Variants in MICOS10 observed in about 807,000 individuals in gnomAD.
The protein encoded by MICOS10 is mitochondrial contact site and cristae organizing system subunit 10.
In MICOS10, 5 loss-of-function variants were observed where a neutral mutation model predicts 13.4. The ratio of observed to expected loss-of-function variants is 0.37; its 90% CI spans 0.20 to 0.78. The LOEUF is 0.78. Ranked by LOEUF, MICOS10 falls within the 30% of genes least tolerant of loss-of-function variation. MICOS10 has a pLI of 0.47. For synonymous variants in MICOS10, 35 were observed against 33.6 expected, an observed-to-expected ratio of 1.04 and a Z score of -0.15; for missense variants, 101 against 94.6, an observed-to-expected ratio of 1.07 and a Z score of -0.28.
chr1:19,603,756 G>A (rs1026768377), intron 1 of MICOS10, among the ~76,000 whole-genome samples: 2 of 152,198 alleles, frequency 1.3e-5, no homozygotes, highest in Non-Finnish European at 1.5e-5. Context: ...TCATTGAATG[G>A]TTAGCTGAAG....
intron 1 of MICOS10, chr1:19,601,302 G>C (rs1157079977): frequency 3.5e-6 from 1 of 286,928 alleles, no homozygotes; most frequent in African/African-American, 2.2e-5. Flanking sequence ...TTCTAGGCCA[G>C]GCACAGTGGC....
chr1:19,615,650 G>A (rs1227001541), intron 1 of MICOS10, among the ~76,000 whole-genome samples: 1 of 129,716 alleles, frequency 7.7e-6, no homozygotes, highest in East Asian at 2.3e-4. Flanking sequence ...AGGGGTCACT[G>A]CAGCCTTGAC....
rs1161072320 is a variant in MICOS10, at chr1:19,629,524, C to G, written c.*3123C>G. 2 of 152,206 alleles carry G rather than the reference C, an allele frequency of 1.3e-5. No individual in the cohort carries two copies. The highest frequency in any genetic ancestry group is 2.9e-5 in the Non-Finnish European group (2 of 68,038). The allele number at this position is 152,206 out of a possible 1,614,324, so 9.4% of individuals were successfully genotyped here. ...CCTTATGCAGAAGTATGCCTTTGTT[C>G]TGAGAAATGGCCTCAGAACACACTG... On this transcript the variant is annotated 3_prime_UTR_variant, in exon 4 of 4. Transcript: ENST00000322753.
intron 2 of MICOS10, 80 bp from the exon 3 acceptor site, chr1:19,623,394 G>A: frequency 1.2e-6 from 1 of 816,182 alleles, no homozygotes; most frequent in Non-Finnish European, 2.1e-6. Context: ...TGAACCCTAA[G>A]TAAATGTATT....
chr1:19,602,253 C>G (rs925790207), intron 1 of MICOS10, among the ~76,000 whole-genome samples: 3 of 152,182 alleles, frequency 2.0e-5, no homozygotes, highest in African/African-American at 4.8e-5. Context: ...AGACCGTTCT[C>G]TGCCCATATT....
Position 19,611,469 on chromosome 1 carries a change from A to ATTTTTTTTTTTTTTT in MICOS10, c.65-10623_65-10609dup, listed in dbSNP as rs768118529. 3.0e-4 allele frequency among the ~76,000 whole-genome samples: 27 copies of ATTTTTTTTTTTTTTT among 90,308 alleles called. 4 individuals carry two copies. Among genetic ancestry groups the ATTTTTTTTTTTTTTT allele is most frequent in the African/African-American group, 1.4e-3 (27 of 19,314 alleles). 59.2% of individuals were successfully genotyped at this position (90,308 alleles called of 152,430 possible). A position where few individuals can be genotyped will look rare whatever the true frequency, so the allele number is the denominator to read the frequency against. Reference sequence around the variant, plus strand: ...TTCTCTTTATTCCAGTTGCAACTTGATTTTTTTTTTTTTTTTTTTTTTGAG... The same window carrying ATTTTTTTTTTTTTTT: ...TTCTCTTTATTCCAGTTGCAACTTGATTTTTTTTTTTTTTTTTTTTTTTTTTTTTTTTTTTTTGAG... On this transcript the variant is annotated intron_variant, in intron 1 of 3. Coordinates refer to ENST00000322753, the MANE Select transcript of MICOS10 (RefSeq NM_001032363.4).
At chr1:19,608,031 G>T in intron 1 of MICOS10, 1 of 680,166 alleles carries the variant, frequency 1.5e-6, no homozygotes. Context: ...TCGCTTAAAA[G>T]GGTCGTAGAC....
intron 1 of MICOS10, chr1:19,614,430 ACTCTC>A (rs1293636146): frequency 6.8e-6 from 1 of 147,292 alleles, no homozygotes. Context: ...ACACACATTC[ACTCTC>A]CTCTCTCTCT....
chr1:19,612,436 ACT>A (rs1416506312), intron 1 of MICOS10, among the ~76,000 whole-genome samples: 2 of 150,488 alleles, frequency 1.3e-5, no homozygotes, highest in East Asian at 2.0e-4. Context: ...TTTAAGAAAG[ACT>A]CTAGCCAGGC....
chr1:19,622,502 A>G (rs2094907374), intron 2 of MICOS10, among the ~76,000 whole-genome samples: 1 of 152,226 alleles, frequency 6.6e-6, no homozygotes, highest in African/African-American at 2.4e-5. Flanking sequence ...GAAAATGAGA[A>G]TCCTGCTGGT....
chr1:19,614,231 G>A (rs2094874685), intron 1 of MICOS10, among the ~76,000 whole-genome samples: 1 of 151,750 alleles, frequency 6.6e-6, no homozygotes, highest in Non-Finnish European at 1.5e-5. Context: ...AAGATTATCT[G>A]ATGCCTGTTA....
chr1:19,600,373 A>G (rs1387719072), intron 1 of MICOS10, among the ~76,000 whole-genome samples: 3 of 152,102 alleles, frequency 2.0e-5, no homozygotes, highest in African/African-American at 7.2e-5. Flanking sequence ...GAAACCATGA[A>G]GGTGTACGCT....
chr1:19,603,874 C>T (rs1047926444), intron 1 of MICOS10, among the ~76,000 whole-genome samples: 3 of 152,010 alleles, frequency 2.0e-5, no homozygotes, highest in African/African-American at 7.2e-5. Context: ...GGGAGAGGTC[C>T]CAAAGCTGGA....
intron 2 of MICOS10, among the ~76,000 whole-genome samples, chr1:19,622,466 T>C (rs2094907268): frequency 6.6e-6 from 1 of 152,200 alleles, no homozygotes; most frequent in Non-Finnish European, 1.5e-5. Context: ...TATTTCTAAT[T>C]AATTGTGATT....
chr1:19,623,390 C>T (rs1408502379), intron 2 of MICOS10, 84 bp from the exon 3 acceptor site: 2 of 793,228 alleles, frequency 2.5e-6, no homozygotes, highest in East Asian at 2.5e-5. Flanking sequence ...TTATTGAACC[C>T]TAAGTAAATG....
chr1:19,611,886 C>A (rs999015440), intron 1 of MICOS10, among the ~76,000 whole-genome samples: 10 of 143,802 alleles, frequency 7.0e-5, no homozygotes, highest in African/African-American at 2.8e-4. Context: ...GCAGGAGAAT[C>A]GCTTGAACCT....
intron 1 of MICOS10, among the ~76,000 whole-genome samples, chr1:19,601,744 A>G (rs2094816101): frequency 6.6e-6 from 1 of 152,186 alleles, no homozygotes; most frequent in Non-Finnish European, 1.5e-5. Flanking sequence ...ATCTAAAAAC[A>G]ATAGCAAAAA....
At chr1:19,622,279 C>A in intron 2 of MICOS10, 132 bp downstream of exon 2, 2 of 584,852 alleles carry the variant, frequency 3.4e-6, no homozygotes, top group South Asian at 2.6e-5. Context: ...GGTTAGGTAG[C>A]CCATTATAAA....
At chr1:19,625,657 T>G in intron 3 of MICOS10, 3 of 1,276,474 alleles carry the variant, frequency 2.4e-6, no homozygotes, top group Non-Finnish European at 3.1e-6. Flanking sequence ...ACATTTCCAT[T>G]GTTCCAAACT....
Sources: allele counts gnomAD v4.1 joint callset (sites outside exome capture counted in the v4.1 genomes callset), GRCh38; gene constraint gnomAD v4.1.1; transcripts MANE v1.5; gene names NCBI Gene and HGNC (gene_info 2026-07-23, HGNC 2026-07-21).